IFI27L1: variants seen among roughly 807,000 people sequenced by gnomAD.
IFI27L1 encodes interferon alpha inducible protein 27 like 1, also known as interferon alpha-inducible protein 27-like protein 1.
Under a neutral mutation model 9.2 loss-of-function variants are expected in IFI27L1, and 3 were observed. That is an observed-to-expected ratio of 0.32 (90% CI 0.15 to 0.84). IFI27L1 has a LOEUF of 0.84. Among genes scored for constraint, IFI27L1 ranks in the 40% least tolerant of loss-of-function variants. The pLI, the probability that IFI27L1 is intolerant of heterozygous loss-of-function variation, is 0.56. For missense variants in IFI27L1, 133 were observed against 134.2 expected (o/e 0.99, Z 0.05); for synonymous variants, 53 against 50.0 (o/e 1.06, Z -0.26).
At chr14:94,100,644 C>A in intron 2 of IFI27L1, 95 bp from the exon 3 acceptor site, 2 of 1,597,880 alleles carry the variant, frequency 1.3e-6, no homozygotes, top group Non-Finnish European at 1.7e-6. Flanking sequence ...GAAAGAATAG[C>A]AAAGTTGAAT....
At chr14:94,097,830 A>T (rs949916217) in intron 2 of IFI27L1, among the ~76,000 whole-genome samples, 4 of 152,074 alleles carry the variant, frequency 2.6e-5, no homozygotes, top group African/African-American at 9.7e-5. Context: ...TCCAGAGGGG[A>T]AATGGGAGTG....
At chr14:94,100,629 A>T in intron 2 of IFI27L1, 110 bp from the exon 3 acceptor site, 1 of 1,591,776 alleles carries the variant, frequency 6.3e-7, no homozygotes, top group Non-Finnish European at 8.5e-7. Context: ...GGGCTTCAGA[A>T]GAGGGAAAGA....
rs778156751 is a variant in IFI27L1 at position 94,096,978 on chromosome 14, C to G, written c.28+13C>G. 6.2e-6 allele frequency: 10 copies of G among 1,608,396 alleles called. No individual in the cohort carries two copies. The highest frequency in any genetic ancestry group is 8.5e-6 in the Non-Finnish European group (10 of 1,176,658). ...GGATGGGACTCAGGTGGGTACTGCACATGATTCTGGGGGCTGCTGGTCCTT... is the reference window on the plus strand; with the variant it reads ...GGATGGGACTCAGGTGGGTACTGCAGATGATTCTGGGGGCTGCTGGTCCTT... On this transcript the variant is annotated intron_variant, in intron 2 of 4. Coordinates refer to ENST00000555523, the MANE Select transcript of IFI27L1 (RefSeq NM_206949.3).
At chr14:94,092,662 C>A (rs976285053) in intron 1 of IFI27L1, among the ~76,000 whole-genome samples, 1 of 152,150 alleles carries the variant, frequency 6.6e-6, no homozygotes, top group Non-Finnish European at 1.5e-5. Flanking sequence ...CTCTGTTGTG[C>A]TTTTATTCCA....
At chr14:94,094,378 G>A (rs745717482) in intron 1 of IFI27L1, among the ~76,000 whole-genome samples, 6 of 152,064 alleles carry the variant, frequency 3.9e-5, no homozygotes, top group East Asian at 1.9e-4. Context: ...ACAAGTGGCC[G>A]CCTGAATTTT....
intron 1 of IFI27L1, chr14:94,088,373 A>T: frequency 2.8e-6 from 2 of 701,954 alleles, no homozygotes; most frequent in Non-Finnish European, 5.2e-6. Flanking sequence ...CCGATATCCC[A>T]GTTTCGTGAT....
intron 1 of IFI27L1, among the ~76,000 whole-genome samples, chr14:94,090,579 T>C (rs1886441860): frequency 6.6e-6 from 1 of 152,188 alleles, no homozygotes; most frequent in South Asian, 2.1e-4. Flanking sequence ...TTTGGGTAAA[T>C]TCCTCTCCTT....
Position 94,102,661 on chromosome 14 carries a change from C to T in IFI27L1, c.*93C>T. 1.6e-6 allele frequency: 1 copy of T among 641,854 alleles called. No homozygotes were observed. The highest frequency in any genetic ancestry group is 2.6e-6 in the Non-Finnish European group (1 of 385,396). 39.8% of individuals were successfully genotyped at this position (641,854 alleles called of 1,614,324 possible). A position where few individuals can be genotyped will look rare whatever the true frequency, so the allele number is the denominator to read the frequency against. ...TCTTCCAAAGGACAAGTCTCCTACT[C>T]CCAAAACTATTTAAGGAAGCATGAA... On this transcript the variant is annotated 3_prime_UTR_variant, in exon 5 of 5. Coordinates refer to ENST00000555523, the MANE Select transcript of IFI27L1 (RefSeq NM_206949.3).
rs999495588 is a variant in IFI27L1, at chr14:94,097,685, A to G, written c.28+720A>G. 1.1e-5 allele frequency: 8 copies of G among 702,160 alleles called. No homozygotes were observed. In the African/African-American group the frequency reaches 1.4e-4, roughly 12 times the overall value. The allele number at this position is 702,160 out of a possible 1,614,324, so 43.5% of individuals were successfully genotyped here. On this transcript the variant is annotated intron_variant, in intron 2 of 4. Transcript: ENST00000555523. ...AGACTGGATATTTCTGAAGGTGAAT[A>G]AGCATTCACGGATAGATTGCTGTGA...
At chr14:94,100,119 C>A in intron 2 of IFI27L1, 1 of 213,836 alleles carries the variant, frequency 4.7e-6, no homozygotes, top group Non-Finnish European at 8.0e-6. Flanking sequence ...AACTGAAAGA[C>A]ACGTTTTTGG....
intron 1 of IFI27L1, among the ~76,000 whole-genome samples, chr14:94,083,938 G>A (rs896467247): frequency 6.6e-6 from 1 of 151,818 alleles, no homozygotes; most frequent in Admixed American, 6.6e-5. Flanking sequence ...AAAAGAAAAA[G>A]AAAGAAGGAA....
intron 2 of IFI27L1, among the ~76,000 whole-genome samples, chr14:94,097,889 ATG>A (rs1567071273): frequency 1.3e-5 from 2 of 152,182 alleles, no homozygotes; most frequent in Non-Finnish European, 2.9e-5. Context: ...CCCAAGGGAC[ATG>A]TTAAGTAGGT....
At chr14:94,100,928 G>A (rs1404725447) in intron 3 of IFI27L1, 157 bp downstream of exon 3, 5 of 809,626 alleles carry the variant, frequency 6.2e-6, no homozygotes, top group Non-Finnish European at 1.0e-5. Flanking sequence ...AGAGCAGCAG[G>A]AAGCAAAGCA....
intron 1 of IFI27L1, among the ~76,000 whole-genome samples, chr14:94,091,173 C>T (rs1280655299): frequency 6.6e-6 from 1 of 152,160 alleles, no homozygotes; most frequent in Non-Finnish European, 1.5e-5. Context: ...CATCCAAGAG[C>T]ATCTGTCAAA....
chr14:94,084,004 A>T (rs1271353611), intron 1 of IFI27L1, among the ~76,000 whole-genome samples: 1 of 152,140 alleles, frequency 6.6e-6, no homozygotes, highest in Non-Finnish European at 1.5e-5. Context: ...TGTCAACCAA[A>T]AGCAAAATGA....
intron 1 of IFI27L1, among the ~76,000 whole-genome samples, chr14:94,084,898 A>C (rs994699643): frequency 2.0e-5 from 3 of 152,186 alleles, no homozygotes; most frequent in South Asian, 2.1e-4. Context: ...GTTTTTTTAC[A>C]TACAACCGAG....
intron 1 of IFI27L1, among the ~76,000 whole-genome samples, chr14:94,082,247 CTTCTA>C (rs764914535): frequency 2.0e-5 from 3 of 152,154 alleles, no homozygotes; most frequent in Non-Finnish European, 2.9e-5. Context: ...CCCTGATTCT[CTTCTA>C]TTCTATGATG....
intron 1 of IFI27L1, among the ~76,000 whole-genome samples, chr14:94,086,609 TA>T (rs1886289974): frequency 1.3e-5 from 2 of 152,140 alleles, no homozygotes; most frequent in African/African-American, 4.8e-5. Context: ...CCAGTAACAC[TA>T]TAATGTCACC....
chr14:94,102,516 G>C lies in IFI27L1; in HGVS notation c.263G>C (p.Gly88Ala). The change falls in exon 5 of 5, where the codon GGC becomes GCC. Residue 88 changes from glycine to alanine, a missense_variant. Transcript: ENST00000555523. ...TCTGTGACATCTAAAGTTATCGGGG[G>C]CTTTGCTGGGACAGCTCTTGGGGCC... is the stretch of plus-strand genomic sequence containing the variant. Reference protein sequence around the residue: ...GLSVTSKVIGGFAGTALGAWL... With the variant: ...GLSVTSKVIGAFAGTALGAWL... 6.3e-7 allele frequency: 1 copy of C among 1,593,492 alleles called. No homozygotes were observed. Among genetic ancestry groups the C allele is most frequent in the Non-Finnish European group, 8.6e-7 (1 of 1,169,212 alleles).
Sources: gnomAD v4.1 joint callset for allele counts (sites outside exome capture counted in the v4.1 genomes callset) on GRCh38, gnomAD v4.1.1 for gene constraint, MANE v1.5 for transcripts, NCBI Gene and HGNC (gene_info 2026-07-23, HGNC 2026-07-21) for gene names.